ATRNL1: variants seen among roughly 807,000 people sequenced by gnomAD.
The protein encoded by ATRNL1 is attractin-like protein 1.
A neutral mutation model predicts 182.7 loss-of-function variants in ATRNL1; 95 were observed. The observed-to-expected ratio is 0.52, with a 90% CI of 0.44 to 0.62. The LOEUF (loss-of-function observed/expected upper bound fraction) is 0.62. Among genes scored for constraint, ATRNL1 ranks in the 20% least tolerant of loss-of-function variants. The pLI is 0.00. For synonymous variants in ATRNL1, 576 were observed against 568.3 expected (o/e 1.01, Z -0.19); for missense variants, 1,471 against 1,679.5 (o/e 0.88, Z 2.17).
At chr10:115,256,536 T>A (rs1183517574) in intron 10 of ATRNL1, among the ~76,000 whole-genome samples, 1 of 152,198 alleles carries the variant, frequency 6.6e-6, no homozygotes, top group Non-Finnish European at 1.5e-5. Flanking sequence ...TTTTCTTCTT[T>A]ATTAGTCTTG....
chr10:115,444,594 C>T (rs1364847566), intron 21 of ATRNL1, among the ~76,000 whole-genome samples: 3 of 148,024 alleles, frequency 2.0e-5, no homozygotes, highest in African/African-American at 5.0e-5. Context: ...TTTTTCTTTG[C>T]CATTTTTGTA....
intron 26 of ATRNL1, among the ~76,000 whole-genome samples, chr10:115,646,178 C>G (rs1314113909): frequency 6.6e-6 from 1 of 151,696 alleles, no homozygotes; most frequent in African/African-American, 2.4e-5. Context: ...TTTTTTAAAA[C>G]AAAGAATAAC....
At chr10:115,660,845 T>C (rs1400826958) in intron 26 of ATRNL1, among the ~76,000 whole-genome samples, 3 of 152,120 alleles carry the variant, frequency 2.0e-5, no homozygotes, top group African/African-American at 7.2e-5. Flanking sequence ...ATGCATGCAT[T>C]TACATATGTA....
chr10:115,422,304 TC>T (rs1845684853), intron 20 of ATRNL1, among the ~76,000 whole-genome samples: 1 of 152,062 alleles, frequency 6.6e-6, no homozygotes, highest in Admixed American at 6.6e-5. Context: ...CCCACAAGGA[TC>T]TAATATCTAG....
intron 13 of ATRNL1, among the ~76,000 whole-genome samples, chr10:115,279,293 A>C (rs1248724006): frequency 6.6e-6 from 1 of 152,128 alleles, no homozygotes; most frequent in Non-Finnish European, 1.5e-5. Flanking sequence ...CATGAGGGTA[A>C]TATTAAGAGA....
intron 27 of ATRNL1, among the ~76,000 whole-genome samples, chr10:115,823,965 G>A (rs556538923): frequency 2.0e-5 from 3 of 152,226 alleles, no homozygotes; most frequent in African/African-American, 7.2e-5. Flanking sequence ...ATCCCATATA[G>A]CCAAGACAAT....
chr10:115,384,873 G>C (rs1374273723), intron 19 of ATRNL1, among the ~76,000 whole-genome samples: 1 of 150,876 alleles, frequency 6.6e-6, no homozygotes, highest in Non-Finnish European at 1.5e-5. Flanking sequence ...TTGCTGAGTA[G>C]TATTTTATTG....
intron 25 of ATRNL1, among the ~76,000 whole-genome samples, chr10:115,535,095 C>T (rs1166725038): frequency 6.6e-6 from 1 of 150,442 alleles, no homozygotes; most frequent in South Asian, 2.1e-4. Context: ...CTTGGAGTTG[C>T]TCTTCTCGAG....
chr10:115,359,514 G>T (rs1412398780), intron 19 of ATRNL1, among the ~76,000 whole-genome samples: 1 of 151,276 alleles, frequency 6.6e-6, no homozygotes, highest in Non-Finnish European at 1.5e-5. Flanking sequence ...CAGCAATTGG[G>T]CCAACAGTGA....
chr10:115,217,609 A>T (rs116535140), intron 9 of ATRNL1, among the ~76,000 whole-genome samples: 1,692 of 152,218 alleles, frequency 0.011, 28 homozygotes, highest in African/African-American at 0.038. Flanking sequence ...AATTTTGTTA[A>T]ATTTTCCATG....
chr10:115,677,672 G>A (rs1945908855), intron 26 of ATRNL1, among the ~76,000 whole-genome samples: 1 of 152,042 alleles, frequency 6.6e-6, no homozygotes, highest in Admixed American at 6.6e-5. Flanking sequence ...ATATGGGACT[G>A]TAAGTCCAAT....
chr10:115,588,751 A>G (rs1433675465), intron 26 of ATRNL1, among the ~76,000 whole-genome samples: 1 of 152,148 alleles, frequency 6.6e-6, no homozygotes, highest in Non-Finnish European at 1.5e-5. Context: ...AAGTCTCTCA[A>G]CTAGTTTCTG....
chr10:115,841,527 A>G (rs1215285385), intron 27 of ATRNL1, among the ~76,000 whole-genome samples: 1 of 152,142 alleles, frequency 6.6e-6, no homozygotes, highest in Non-Finnish European at 1.5e-5. Flanking sequence ...CCTCAAGTGC[A>G]GCATCCTGAT....
intron 21 of ATRNL1, among the ~76,000 whole-genome samples, chr10:115,448,852 AACC>A (rs1190828885): frequency 2.2e-5 from 3 of 139,476 alleles, no homozygotes; most frequent in Non-Finnish European, 1.5e-5. Flanking sequence ...ATAGCGTGCC[AACC>A]AACAACAACA....
intron 8 of ATRNL1, among the ~76,000 whole-genome samples, chr10:115,187,900 T>C (rs1848011121): frequency 6.6e-6 from 1 of 151,894 alleles, no homozygotes; most frequent in African/African-American, 2.4e-5. Flanking sequence ...CAGGATGGTC[T>C]TGATCTCCTG....
intron 8 of ATRNL1, among the ~76,000 whole-genome samples, chr10:115,212,906 A>G (rs1014855821): frequency 6.6e-6 from 1 of 152,104 alleles, no homozygotes; most frequent in African/African-American, 2.4e-5. Context: ...ACTAGGCTTA[A>G]TACTTGGGTG....
chr10:115,908,425 A>C (rs1022209281), intron 28 of ATRNL1, among the ~76,000 whole-genome samples: 2 of 151,918 alleles, frequency 1.3e-5, no homozygotes, highest in Non-Finnish European at 2.9e-5. Flanking sequence ...CATCTTCAAA[A>C]CTAGCAGGAT....
At chr10:115,339,051 T>A (rs1855620742) in intron 19 of ATRNL1, among the ~76,000 whole-genome samples, 1 of 152,208 alleles carries the variant, frequency 6.6e-6, no homozygotes, top group Non-Finnish European at 1.5e-5. Context: ...GATTTGTTTC[T>A]GAGTTCTCTG....
intron 26 of ATRNL1, among the ~76,000 whole-genome samples, chr10:115,575,248 A>T (rs1379046865): frequency 1.3e-5 from 2 of 152,198 alleles, no homozygotes; most frequent in Non-Finnish European, 2.9e-5. Flanking sequence ...TCGACTTTCA[A>T]GTCATTTTGT....
Sources: gnomAD v4.1 joint callset for allele counts (sites outside exome capture counted in the v4.1 genomes callset) on GRCh38, gnomAD v4.1.1 for gene constraint, MANE v1.5 for transcripts, NCBI Gene and HGNC (gene_info 2026-07-23, HGNC 2026-07-21) for gene names.